The following CUX1 variants were observed in gnomAD, a reference collection of about 807,000 sequenced individuals.
The protein encoded by CUX1 is cut like homeobox 1.
A neutral mutation model predicts 158.8 loss-of-function variants in CUX1; 31 were observed. The observed-to-expected ratio is 0.20, with a 90% CI of 0.15 to 0.26. The LOEUF is 0.26. Among genes scored for constraint, CUX1 ranks in the 10% least tolerant of loss-of-function variants. CUX1 has a pLI of 1.00. For missense variants in CUX1, 1,589 were observed against 2,014.6 expected (o/e 0.79, Z 4.04); for synonymous variants, 879 against 862.1 (o/e 1.02, Z -0.34).
chr7:101,927,032 A>G (rs1805671106), intron 2 of CUX1, among the ~76,000 whole-genome samples: 1 of 152,174 alleles, frequency 6.6e-6, no homozygotes, highest in African/African-American at 2.4e-5. Context: ...GTAAGAGCTC[A>G]GACAGAACAA....
intron 8 of CUX1, among the ~76,000 whole-genome samples, chr7:102,153,200 T>G (rs1409756651): frequency 6.6e-6 from 1 of 152,188 alleles, no homozygotes; most frequent in African/African-American, 2.4e-5. Context: ...GTGTGCACTT[T>G]CCAGGAGGTG....
chr7:102,163,449 G>T (rs73712431), intron 9 of CUX1, among the ~76,000 whole-genome samples: 18 of 152,250 alleles, frequency 1.2e-4, no homozygotes, highest in African/African-American at 4.3e-4. Flanking sequence ...CCAGAGATGC[G>T]GGTCAGAGAG....
At chr7:102,244,513 C>T (rs1212077621) in intron 23 of CUX1, among the ~76,000 whole-genome samples, 2 of 118,470 alleles carry the variant, frequency 1.7e-5, no homozygotes, top group African/African-American at 5.8e-5. Flanking sequence ...GACTGGGCAA[C>T]ATAGTGAGAC....
chr7:102,059,484 T>G (rs1304241969), intron 3 of CUX1, among the ~76,000 whole-genome samples: 2 of 151,714 alleles, frequency 1.3e-5, no homozygotes, highest in Non-Finnish European at 1.5e-5. Context: ...ATACAAAAAT[T>G]AGCTGGGCGT....
chr7:102,216,684 C>CA, intron 20 of CUX1, among the ~76,000 whole-genome samples: 1 of 31,248 alleles, frequency 3.2e-5, no homozygotes, highest in Admixed American at 4.5e-4. Context: ...CACACACACT[C>CA]CCCCACACAC....
Position 102,258,216 on chromosome 7 carries a change from T to C in CUX1, c.*9174T>C. ...CTAGGTGTGATAATTGAAGTAAATA[T>C]CTTTTATACAAACACAAGAATGTGT... On this transcript the variant is annotated 3_prime_UTR_variant, in exon 24 of 24. Coordinates refer to ENST00000292535, the MANE Select transcript of CUX1 (RefSeq NM_181552.4). The C allele has an allele frequency of 1.0e-6, 1 of 980,034 alleles. No individual in the cohort carries two copies. Among genetic ancestry groups the C allele is most frequent in the Non-Finnish European group, 1.2e-6 (1 of 825,000 alleles). The allele number at this position is 980,034 out of a possible 1,614,324, so 60.7% of individuals were successfully genotyped here.
At chr7:101,951,872 T>C (rs939200389) in intron 2 of CUX1, among the ~76,000 whole-genome samples, 5 of 152,200 alleles carry the variant, frequency 3.3e-5, no homozygotes, top group Admixed American at 1.3e-4. Context: ...AACCAGATGG[T>C]AAAATACTGT....
intron 1 of CUX1, among the ~76,000 whole-genome samples, chr7:101,832,950 G>T (rs1328862887): frequency 6.6e-6 from 1 of 152,166 alleles, no homozygotes; most frequent in East Asian, 1.9e-4. Context: ...GCTGCTTAGG[G>T]GTGGGAGGGC....
In CUX1 at chr7:102,017,290, C is replaced by CAAAA. The variant is rs10629776; in HGVS notation, c.142-10795_142-10792dup. 7.6e-5 allele frequency among the ~76,000 whole-genome samples: 10 copies of CAAAA among 131,630 alleles called. 1 individual carries two copies. The highest frequency in any genetic ancestry group is 8.0e-5 in the Non-Finnish European group (5 of 62,460). The allele number at this position is 131,630 out of a possible 152,430, so 86.4% of individuals were successfully genotyped here. ...TGGGGGACACAGAGAGACTCCATCT[C>CAAAA]AAAAAAAAAAAAAAAAGTGAGCTTG... On this transcript the variant is annotated intron_variant, in intron 2 of 23. Coordinates refer to ENST00000292535, the MANE Select transcript of CUX1 (RefSeq NM_181552.4).
rs190590623 is a variant in CUX1, at chr7:102,048,443, G to T, written c.189+20298G>T. 5.8e-4 allele frequency among the ~76,000 whole-genome samples: 88 copies of T among 152,238 alleles called. No homozygotes were observed. In the East Asian group the frequency reaches 0.01, roughly 18 times the overall value. ...GGTCACTCGGTTGGAAGGCGTGGTA[G>T]TGTTAGAACCCAGGTGTTTGAACTC... is the stretch of plus-strand genomic sequence containing the variant. On this transcript the variant is annotated intron_variant, in intron 3 of 23. Transcript: ENST00000292535.
intron 2 of CUX1, among the ~76,000 whole-genome samples, chr7:101,926,803 G>A (rs1563019204): frequency 6.6e-6 from 1 of 152,152 alleles, no homozygotes; most frequent in Non-Finnish European, 1.5e-5. Context: ...CACCCAGGAG[G>A]TGAAATGAAT....
intron 3 of CUX1, among the ~76,000 whole-genome samples, chr7:102,052,480 T>G (rs769899422): frequency 4.9e-4 from 75 of 152,362 alleles, no homozygotes; most frequent in Non-Finnish European, 6.9e-4. Flanking sequence ...ATTCTTTTTA[T>G]GGCTGAATAA....
chr7:101,932,574 G>A (rs1806409177), intron 2 of CUX1: 1 of 455,490 alleles, frequency 2.2e-6, no homozygotes, highest in Non-Finnish European at 4.4e-6. Flanking sequence ...CACTGGCAAA[G>A]TGAAGAAAAA....
chr7:101,817,168 C>T, upstream of CUX1: 1 of 984,388 alleles, frequency 1.0e-6, no homozygotes, highest in Non-Finnish European at 1.2e-6. This position sits in a 1 kb window ranked among gnomAD's most constrained non-coding sequence, Gnocchi z 4.1. Context: ...TTCCCCTAGG[C>T]AGGCCCCAAG....
At chr7:101,833,878 G>A (rs921901366) in intron 1 of CUX1, among the ~76,000 whole-genome samples, 1 of 152,138 alleles carries the variant, frequency 6.6e-6, no homozygotes, top group Non-Finnish European at 1.5e-5. Flanking sequence ...CCCCAAATCA[G>A]GGCACTTGGC....
chr7:102,005,079 C>A (rs1052189304), intron 2 of CUX1, among the ~76,000 whole-genome samples: 1 of 152,162 alleles, frequency 6.6e-6, no homozygotes, highest in African/African-American at 2.4e-5. Flanking sequence ...TGCAGGTCAT[C>A]CCCCTGTTTG....
chr7:101,993,769 C>G (rs1365851349), intron 2 of CUX1, among the ~76,000 whole-genome samples: 1 of 152,210 alleles, frequency 6.6e-6, no homozygotes, highest in Non-Finnish European at 1.5e-5. Context: ...AATGTCAGCC[C>G]TCATCCCTGC....
At chr7:102,120,364 T>C (rs1554493067) in intron 8 of CUX1, among the ~76,000 whole-genome samples, 3 of 152,248 alleles carry the variant, frequency 2.0e-5, no homozygotes. Context: ...TGAGCCTCGA[T>C]GAAAGAAAAT....
At chr7:102,211,273 C>T (rs1796483859) in intron 20 of CUX1, among the ~76,000 whole-genome samples, 4 of 151,324 alleles carry the variant, frequency 2.6e-5, no homozygotes, top group Admixed American at 6.6e-5. Context: ...TGGTGAAACT[C>T]GGTCTCTACT....
Sources: gnomAD v4.1 joint callset for allele counts (sites outside exome capture counted in the v4.1 genomes callset) on GRCh38, gnomAD v4.1.1 for gene constraint, Gnocchi (gnomAD v3.1) non-coding constraint, MANE v1.5 for transcripts, NCBI Gene and HGNC (gene_info 2026-07-23, HGNC 2026-07-21) for gene names.